Variants in DCC observed in about 807,000 individuals in gnomAD.
DCC encodes the protein netrin receptor DCC.
Under a neutral mutation model 172.5 loss-of-function variants are expected in DCC, and 58 were observed. The ratio of observed to expected loss-of-function variants is 0.34; its 90% confidence interval spans 0.27 to 0.42. DCC has a LOEUF of 0.42. DCC is among the 10% of genes least tolerant of loss of function. The probability of loss-of-function intolerance (pLI) is 1.00; values close to 1 mark genes in which losing one functional copy is unlikely to be tolerated. For missense variants in DCC, 1,740 were observed against 1,791.0 expected (o/e 0.97, Z 0.51); for synonymous variants, 709 against 644.5 (o/e 1.10, Z -1.52).
chr18:52,876,223 T>C (rs1362362567), intron 2 of DCC, among the ~76,000 whole-genome samples: 1 of 152,226 alleles, frequency 6.6e-6, no homozygotes, highest in Non-Finnish European at 1.5e-5. Context: ...TGGCCACTTT[T>C]CTGTTTTTAC....
chr18:52,748,103 G>A (rs529952310), intron 1 of DCC, among the ~76,000 whole-genome samples: 2 of 152,310 alleles, frequency 1.3e-5, no homozygotes, highest in East Asian at 3.9e-4. Context: ...GGGTGTGTGA[G>A]TGAGTGAGTG....
chr18:52,580,324 C>T (rs2033515518), intron 1 of DCC, among the ~76,000 whole-genome samples: 1 of 152,178 alleles, frequency 6.6e-6, no homozygotes, highest in Non-Finnish European at 1.5e-5. Context: ...GTGGCGCGAT[C>T]TCGGCTCACT....
At chr18:53,347,061 C>T (rs954314469) in intron 15 of DCC, among the ~76,000 whole-genome samples, 33 of 152,240 alleles carry the variant, frequency 2.2e-4, no homozygotes, top group African/African-American at 7.7e-4. Flanking sequence ...CAAGTTTTAA[C>T]TCAGAATCAG....
At chr18:53,309,181 G>A (rs2057236220) in intron 13 of DCC, among the ~76,000 whole-genome samples, 1 of 152,042 alleles carries the variant, frequency 6.6e-6, no homozygotes, top group Non-Finnish European at 1.5e-5. Context: ...GGGACTATAG[G>A]TGTGTTTCAC....
chr18:53,379,885 C>A (rs945819041), intron 15 of DCC, among the ~76,000 whole-genome samples: 19 of 152,196 alleles, frequency 1.2e-4, no homozygotes, highest in South Asian at 2.1e-4. Context: ...TTCCCGTGGA[C>A]TTCCAAATTA....
chr18:52,947,432 C>T (rs548977124), intron 5 of DCC, among the ~76,000 whole-genome samples: 12 of 152,098 alleles, frequency 7.9e-5, no homozygotes, highest in South Asian at 4.1e-4. Flanking sequence ...TCCATGACTA[C>T]GAAATTCCCT....
intron 1 of DCC, among the ~76,000 whole-genome samples, chr18:52,509,621 C>A (rs1187824443): frequency 6.6e-6 from 1 of 152,212 alleles, no homozygotes; most frequent in Non-Finnish European, 1.5e-5. Context: ...TGTCCTACAA[C>A]AGCTGGTTCA....
intron 3 of DCC, among the ~76,000 whole-genome samples, chr18:52,910,476 A>C (rs1168294097): frequency 6.6e-6 from 1 of 152,202 alleles, no homozygotes; most frequent in Admixed American, 6.6e-5. Context: ...TAACAGAATC[A>C]GTAATACATT....
rs185130732 is a variant in DCC, at chr18:52,890,455, C to T, written c.413-15589C>T. ...TTCCTAGTAAATGATTTCATAAAAC[C>T]GCCTAAAACAGCTCACTATGGTACA... On this transcript the variant is annotated intron_variant, in intron 2 of 28. Coordinates refer to ENST00000442544, the MANE Select transcript of DCC (RefSeq NM_005215.4). Among the ~76,000 whole-genome samples, 362 of 152,032 alleles carry T rather than the reference C, an allele frequency of 2.4e-3. 5 individuals are homozygous for T. The highest frequency in any genetic ancestry group is 6.9e-4 in the Non-Finnish European group (47 of 67,936).
intron 1 of DCC, among the ~76,000 whole-genome samples, chr18:52,732,067 G>T (rs1249662742): frequency 6.6e-6 from 1 of 152,128 alleles, no homozygotes; most frequent in African/African-American, 2.4e-5. Flanking sequence ...CTGAATTTAA[G>T]GAAGCCTAGA....
At chr18:53,280,723 A>G (rs1290536756) in intron 12 of DCC, among the ~76,000 whole-genome samples, 1 of 152,134 alleles carries the variant, frequency 6.6e-6, no homozygotes, top group African/African-American at 2.4e-5. Context: ...TTCTGAATGT[A>G]ACCACTATGA....
At chr18:52,956,136 A>T (rs1240006881) in intron 5 of DCC, among the ~76,000 whole-genome samples, 1 of 152,046 alleles carries the variant, frequency 6.6e-6, no homozygotes, top group Non-Finnish European at 1.5e-5. Context: ...AAAAATCAAA[A>T]AAACCTAAGT....
At chr18:53,072,134 GA>G (rs953090386) in intron 7 of DCC, among the ~76,000 whole-genome samples, 5 of 150,154 alleles carry the variant, frequency 3.3e-5, no homozygotes, top group East Asian at 1.9e-4. Context: ...ATCTCAAGAA[GA>G]AAAAAAAAGA....
At chr18:52,777,634 C>G (rs889531209) in intron 2 of DCC, among the ~76,000 whole-genome samples, 3 of 151,928 alleles carry the variant, frequency 2.0e-5, no homozygotes, top group African/African-American at 7.3e-5. Flanking sequence ...ATATTCAGCC[C>G]ATCAGAAGCA....
intron 1 of DCC, among the ~76,000 whole-genome samples, chr18:52,511,951 G>A (rs1215269669): frequency 1.3e-5 from 2 of 152,146 alleles, no homozygotes; most frequent in African/African-American, 2.4e-5. Context: ...GCTGTTGAAA[G>A]GGTGCGGCTG....
intron 12 of DCC, among the ~76,000 whole-genome samples, chr18:53,256,891 G>A (rs2056524624): frequency 6.6e-6 from 1 of 152,110 alleles, no homozygotes; most frequent in South Asian, 2.1e-4. Context: ...ATTTCATTGA[G>A]CAGTGTTTTG....
At chr18:53,136,529 A>G (rs1193931191) in intron 7 of DCC, among the ~76,000 whole-genome samples, 2 of 152,128 alleles carry the variant, frequency 1.3e-5, no homozygotes, top group Non-Finnish European at 1.5e-5. Context: ...ATTTATTTGT[A>G]TAAGTCTACT....
At chr18:52,756,184 T>C (rs1274774766) in intron 2 of DCC, among the ~76,000 whole-genome samples, 1 of 152,226 alleles carries the variant, frequency 6.6e-6, no homozygotes, top group East Asian at 1.9e-4. Flanking sequence ...TCTAAAATGC[T>C]GCAGTGTTTC....
At chr18:53,155,881 G>A (rs950828043) in intron 7 of DCC, among the ~76,000 whole-genome samples, 1 of 152,166 alleles carries the variant, frequency 6.6e-6, no homozygotes, top group Admixed American at 6.5e-5. Flanking sequence ...ACACAAATTA[G>A]CCGGGTGTGG....
Sources: gnomAD v4.1 joint callset for allele counts (sites outside exome capture counted in the v4.1 genomes callset) on GRCh38, gnomAD v4.1.1 for gene constraint, MANE v1.5 for transcripts, NCBI Gene and HGNC (gene_info 2026-07-23, HGNC 2026-07-21) for gene names.